ZNF90: variants seen among roughly 807,000 people sequenced by gnomAD.
ZNF90 encodes zinc finger protein 90, also known as zinc finger protein HTF9.
In ZNF90, 11 loss-of-function variants were observed where a neutral mutation model predicts 12.0. The observed-to-expected ratio is 0.92, with a 90% CI of 0.58 to 1.52. The LOEUF (loss-of-function observed/expected upper bound fraction) is 1.52. Ranked by LOEUF, ZNF90 falls within the 40% of genes most tolerant of loss-of-function variation. The pLI, the probability that ZNF90 is intolerant of heterozygous loss-of-function variation, is 0.00. For synonymous variants in ZNF90, 232 were observed against 240.1 expected (o/e 0.97, Z 0.31); for missense variants, 765 against 711.5 (o/e 1.08, Z -0.86).
rs1555706475 is a variant in ZNF90, at chr19:20,120,987, G to A, written c.*1627G>A. 1 of 152,522 alleles carries A rather than the reference G, an allele frequency of 6.6e-6. No individual in the cohort carries two copies. Among genetic ancestry groups the A allele is most frequent in the Non-Finnish European group, 1.5e-5 (1 of 68,250 alleles). The allele number at this position is 152,522 out of a possible 1,614,324, so 9.4% of individuals were successfully genotyped here. ...GATATTAAAATGTAAGATGCATGATGAAAATATAAGTGGACAGGCTGTTCG... is the reference window on the plus strand; with the variant it reads ...GATATTAAAATGTAAGATGCATGATAAAAATATAAGTGGACAGGCTGTTCG... On this transcript the variant is annotated 3_prime_UTR_variant, in exon 4 of 4. Transcript: ENST00000418063.
At chr19:20,104,559 C>A (rs1352716718) in intron 2 of ZNF90, among the ~76,000 whole-genome samples, 194 bp downstream of exon 2, 3 of 152,178 alleles carry the variant, frequency 2.0e-5, no homozygotes, top group Non-Finnish European at 4.4e-5. Context: ...TTTCCACTTT[C>A]CTGAGATGAG....
intron 3 of ZNF90, among the ~76,000 whole-genome samples, chr19:20,113,791 G>A (rs782039452): frequency 6.6e-6 from 1 of 152,046 alleles, no homozygotes; most frequent in Non-Finnish European, 1.5e-5. Context: ...TCGCGCCACT[G>A]CACTCCAGCC....
At chr19:20,084,604 C>T (rs1285747005) in intron 1 of ZNF90, among the ~76,000 whole-genome samples, 2 of 152,178 alleles carry the variant, frequency 1.3e-5, no homozygotes, top group Admixed American at 6.5e-5. Context: ...TACACTCCCA[C>T]CAGAAGAGTA....
Position 20,117,973 on chromosome 19 carries a change from C to T in ZNF90, c.419C>T (p.Thr140Ile). The part of the protein sequence containing the change: ...YNGLNQCLTA[T>I]QSKVFQCDTY... ...GGACTTAACCAATGTTTGACAGCTA[C>T]CCAGAGCAAAGTATTTCAATGTGAT... Residue 140 changes from threonine to isoleucine, a missense_variant, in exon 4 of 4, where the codon ACC becomes ATC. Coordinates refer to ENST00000418063, the MANE Select transcript of ZNF90 (RefSeq NM_007138.2). The T allele has an allele frequency of 6.2e-7, 1 of 1,613,452 alleles. No homozygotes were observed. The highest frequency in any genetic ancestry group is 8.5e-7 in the Non-Finnish European group (1 of 1,179,710).
intron 3 of ZNF90, 45 bp from the exon 4 acceptor site, chr19:20,117,736 C>T (rs1555705842): frequency 1.4e-6 from 2 of 1,442,918 alleles, no homozygotes; most frequent in Non-Finnish European, 1.8e-6. Context: ...CTGTATTTAT[C>T]AGAATCTAGC....
chr19:20,081,425 G>C (rs2088818653), intron 1 of ZNF90, among the ~76,000 whole-genome samples: 1 of 152,068 alleles, frequency 6.6e-6, no homozygotes, highest in South Asian at 2.1e-4. Context: ...CTGACCTCAT[G>C]ATCCACCCAC....
intron 1 of ZNF90, among the ~76,000 whole-genome samples, chr19:20,090,513 C>G (rs544927230): frequency 1.3e-5 from 2 of 152,046 alleles, no homozygotes; most frequent in African/African-American, 4.8e-5. Context: ...ATCCTGCAGG[C>G]GGACGGCAGT....
Position 20,117,825 on chromosome 19 carries a change from C to T in ZNF90, c.271C>T (p.Leu91=), listed in dbSNP as rs1352166220. ...CCAAGACCTTTGTCCAGAGCAGAGC[C>T]TAAAAGATTCCTTCCAAAAAGTGAT... ...FAQDLCPEQS[L]KDSFQKVIVT... The change falls in exon 4 of 4, where the codon CTA becomes TTA. Residue 91 remains leucine (L), a synonymous_variant. Coordinates refer to ENST00000418063, the MANE Select transcript of ZNF90 (RefSeq NM_007138.2). 1 of 1,591,162 alleles carries T rather than the reference C, an allele frequency of 6.3e-7. No homozygotes were observed. Among genetic ancestry groups the T allele is most frequent in the Non-Finnish European group, 8.5e-7 (1 of 1,170,334 alleles).
rs782776493 is a variant in ZNF90 at position 20,105,296 on chromosome 19, A to G, written c.206A>G (p.Glu69Gly). Reference protein sequence around the residue: ...GKKPFTVKRHEMIAKSPVMCF... With the variant: ...GKKPFTVKRHGMIAKSPVMCF... Reference sequence around the variant, plus strand: ...AAACCCTTCACTGTGAAGAGACATGAGATGATTGCCAAATCCCCAGGTAGG... The same window carrying G: ...AAACCCTTCACTGTGAAGAGACATGGGATGATTGCCAAATCCCCAGGTAGG... The change falls in exon 3 of 4, where the codon GAG becomes GGG. Residue 69 changes from glutamate (E) to glycine (G), a missense_variant. Coordinates refer to ENST00000418063, the MANE Select transcript of ZNF90 (RefSeq NM_007138.2). 14 of 1,607,520 alleles carry G rather than the reference A, an allele frequency of 8.7e-6. No individual in the cohort carries two copies. The South Asian group carries it at 1.4e-4, about 16-fold the overall frequency.
intron 3 of ZNF90, among the ~76,000 whole-genome samples, chr19:20,114,493 CTGTT>C (rs375079591): frequency 2.0e-5 from 3 of 152,180 alleles, no homozygotes; most frequent in Admixed American, 6.5e-5. Context: ...CAATATCTGT[CTGTT>C]TGTGGCTGGC....
chr19:20,119,161 C>T lies in ZNF90; in HGVS notation c.1607C>T (p.Pro536Leu). 6.2e-7 allele frequency: 1 copy of T among 1,612,912 alleles called. No individual in the cohort carries two copies. The highest frequency in any genetic ancestry group is 8.5e-7 in the Non-Finnish European group (1 of 1,179,350). ...AAGATAATTCATACTGGAGCGAAAC[C>T]CTACAAATGTGAAGAATGTGGCAAA... Reference protein sequence around the residue: ...KHKIIHTGAKPYKCEECGKAF... With the variant: ...KHKIIHTGAKLYKCEECGKAF... Residue 536 changes from proline (P) to leucine (L), a missense_variant, in exon 4 of 4, where the codon CCC becomes CTC. By Grantham distance (98) the Pro-to-Leu change is moderately conservative. Transcript: ENST00000418063.
At position 20,120,011 on chromosome 19, in the gene ZNF90, G is replaced by T. The variant is rs536415942; in HGVS notation, c.*651G>T. Among the ~76,000 whole-genome samples, 1 of 152,238 alleles carries T rather than the reference G, an allele frequency of 6.6e-6. No individual in the cohort carries two copies. The highest frequency in any genetic ancestry group is 2.4e-5 in the African/African-American group (1 of 41,556). ...TCTGTACATAAAGATGATTATACTA[G>T]TGTGAAACCCTAGAAATAATAGAAA... On this transcript the variant is annotated 3_prime_UTR_variant, in exon 4 of 4. Transcript: ENST00000418063.
chr19:20,084,177 C>G (rs1345572743), intron 1 of ZNF90, among the ~76,000 whole-genome samples: 1 of 152,050 alleles, frequency 6.6e-6, no homozygotes, highest in Non-Finnish European at 1.5e-5. Context: ...CCTCAGCCTT[C>G]TGTGTAGCTG....
intron 1 of ZNF90, among the ~76,000 whole-genome samples, chr19:20,102,885 C>A (rs144587297): frequency 0.019 from 2,843 of 152,248 alleles, 32 homozygotes; most frequent in Non-Finnish European, 0.03. Context: ...TGCTAAATGA[C>A]GCCTACTTAA....
At chr19:20,089,873 A>G (rs1394077422) in intron 1 of ZNF90, among the ~76,000 whole-genome samples, 2 of 152,176 alleles carry the variant, frequency 1.3e-5, no homozygotes, top group Non-Finnish European at 2.9e-5. Context: ...GTTGTTCGCC[A>G]AGGAGGGATT....
Position 20,119,189 on chromosome 19 carries a change from C to T in ZNF90, c.1635C>T (p.Ala545=), listed in dbSNP as rs1204671295. 6.2e-7 allele frequency: 1 copy of T among 1,612,636 alleles called. No homozygotes were observed. The highest frequency in any genetic ancestry group is 8.5e-7 in the Non-Finnish European group (1 of 1,179,246). Residue 545 remains alanine, a synonymous_variant, in exon 4 of 4, where the codon GCC becomes GCT. Coordinates refer to ENST00000418063, the MANE Select transcript of ZNF90 (RefSeq NM_007138.2). ...KPYKCEECGK[A]FKRSSQLTSH... Reference sequence around the variant, plus strand: ...ACAAATGTGAAGAATGTGGCAAAGCCTTTAAGCGCTCCTCACAGCTTACTA... The same window carrying T: ...ACAAATGTGAAGAATGTGGCAAAGCTTTTAAGCGCTCCTCACAGCTTACTA...
chr19:20,104,241 A>G lies in ZNF90; in HGVS notation c.6A>G (p.Gly2=), dbSNP rs1372287273. The G allele has an allele frequency of 1.9e-6, 3 of 1,613,734 alleles. No homozygotes were observed. The South Asian group carries it at 3.3e-5, about 18-fold the overall frequency. ...GTGTGTATATGTGTGTTTTTCAGGG[A>G]CCATTGGAATTTAGAGATGTGGCCA... is the stretch of plus-strand genomic sequence containing the variant. M[G]PLEFRDVAIE... is the part of the protein sequence containing the mutation. Residue 2 remains glycine, a splice_region_variant and synonymous_variant, in exon 2 of 4, where the codon GGA becomes GGG. Transcript: ENST00000418063.
At chr19:20,093,868 C>T (rs894241269) in intron 1 of ZNF90, among the ~76,000 whole-genome samples, 14 of 144,230 alleles carry the variant, frequency 9.7e-5, no homozygotes, top group African/African-American at 2.9e-4. Flanking sequence ...CCGAGGCGAT[C>T]GGGCAATGTC....
In ZNF90 at chr19:20,078,187, G is replaced by A. The variant is rs544194118; in HGVS notation, c.3+52G>A. Reference sequence around the variant, plus strand: ...GAGAGGGGAGGGACTGGTTGGAACCGATGGGAAGTGGCTGTGGCGGGACTT... The same window carrying A: ...GAGAGGGGAGGGACTGGTTGGAACCAATGGGAAGTGGCTGTGGCGGGACTT... On this transcript the variant is annotated intron_variant, in intron 1 of 3. Coordinates refer to ENST00000418063, the MANE Select transcript of ZNF90 (RefSeq NM_007138.2). 32 of 1,612,454 alleles carry A rather than the reference G, an allele frequency of 2.0e-5. No individual in the cohort carries two copies. The East Asian group carries it at 6.7e-4, about 34-fold the overall frequency.
Sources: gnomAD v4.1 joint callset for allele counts (sites outside exome capture counted in the v4.1 genomes callset) on GRCh38, gnomAD v4.1.1 for gene constraint, MANE v1.5 for transcripts, NCBI Gene and HGNC (gene_info 2026-07-23, HGNC 2026-07-21) for gene names.